The following GCNT1 variants were observed in gnomAD, a reference collection of about 807,000 sequenced individuals.
GCNT1 encodes glucosaminyl (N-acetyl) transferase 1.
In GCNT1, 16 loss-of-function variants were observed where a neutral mutation model predicts 26.2. The observed-to-expected ratio is 0.61, with a 90% CI of 0.41 to 0.93. GCNT1 has a LOEUF of 0.93. Among genes scored for constraint, GCNT1 ranks in the 40% least tolerant of loss-of-function variants. The probability of loss-of-function intolerance (pLI) is 0.00; values close to 1 mark genes in which losing one functional copy is unlikely to be tolerated. For missense variants in GCNT1, 477 were observed against 526.7 expected (o/e 0.91, Z 0.92); for synonymous variants, 183 against 190.8 (o/e 0.96, Z 0.34).
rs570111781 is a variant in GCNT1 at position 76,447,472 on chromosome 9, T to C, written c.-290+5157T>C. Reference sequence around the variant, plus strand: ...GTTGCCCAGGCTGGTCTTAAACTCCTGGGCTTAAGCGATCGGGCTGCCTCA... The same window carrying C: ...GTTGCCCAGGCTGGTCTTAAACTCCCGGGCTTAAGCGATCGGGCTGCCTCA... On this transcript the variant is annotated intron_variant, in intron 1 of 2. Coordinates refer to the GCNT1 transcript ENST00000442371. 3.1e-3 allele frequency among the ~76,000 whole-genome samples: 476 copies of C among 152,208 alleles called. 1 individual carries two copies. The highest frequency in any genetic ancestry group is 0.017 in the Middle Eastern group (5 of 294).
At chr9:76,458,304 T>A (rs1258124922), upstream of GCNT1, among the ~76,000 whole-genome samples, 1 of 144,826 alleles carries the variant, frequency 6.9e-6, no homozygotes, top group Non-Finnish European at 1.5e-5. Context: ...TGACTCAGCC[T>A]CCCGAGTAGC....
At chr9:76,432,089 A>G (rs1298308245) in intron 1 of GCNT1, among the ~76,000 whole-genome samples, 1 of 152,214 alleles carries the variant, frequency 6.6e-6, no homozygotes, top group Non-Finnish European at 1.5e-5. Context: ...AGCCTGGGCA[A>G]CAGAGCAAAA....
chr9:76,446,836 A>G (rs983457622), intron 1 of GCNT1, among the ~76,000 whole-genome samples: 9 of 152,190 alleles, frequency 5.9e-5, no homozygotes, highest in African/African-American at 2.4e-5. Flanking sequence ...GTTTACATAC[A>G]TTAGATGTTA....
intron 2 of GCNT1, among the ~76,000 whole-genome samples, chr9:76,473,418 T>C (rs2131606936): frequency 6.6e-6 from 1 of 152,300 alleles, no homozygotes; most frequent in Admixed American, 6.5e-5. Flanking sequence ...GAAATATGGA[T>C]TTTCATTTTT....
At chr9:76,487,889 C>T (rs184333674) in intron 2 of GCNT1, among the ~76,000 whole-genome samples, 275 of 152,242 alleles carry the variant, frequency 1.8e-3, no homozygotes, top group Admixed American at 3.8e-3. Flanking sequence ...TGCACACCAC[C>T]ACACGCAGAT....
intron 2 of GCNT1, among the ~76,000 whole-genome samples, chr9:76,490,349 A>G (rs1824698109): frequency 6.6e-6 from 1 of 152,114 alleles, no homozygotes; most frequent in South Asian, 2.1e-4. Flanking sequence ...ATTTCTTGCA[A>G]ACTGTATGAG....
Position 76,505,732 on chromosome 9 carries a change from T to G in GCNT1, c.*2064T>G, listed in dbSNP as rs1825219551. The G allele has an allele frequency of 6.0e-6, 1 of 166,996 alleles. No individual in the cohort carries two copies. Among genetic ancestry groups the G allele is most frequent in the East Asian group, 1.9e-4 (1 of 5,206 alleles). The allele number at this position is 166,996 out of a possible 1,614,324, so 10.3% of individuals were successfully genotyped here. A position where few individuals can be genotyped will look rare whatever the true frequency, so the allele number is the denominator to read the frequency against. The stretch of plus-strand genomic sequence containing the variant: ...TTTCTGAACTTGGCAAAATTGGAAA[T>G]TAAAATTTTTAAAAATTACAAATAT... On this transcript the variant is annotated 3_prime_UTR_variant, in exon 4 of 4. Coordinates refer to ENST00000376730, the MANE Select transcript of GCNT1 (RefSeq NM_001490.5).
At position 76,502,554 on chromosome 9, in the gene GCNT1, A is replaced by G. The variant is rs1825107490; in HGVS notation, c.173A>G (p.Asn58Ser). ...LAGENPSSDI[N>S]CTKVLQGDVN... is the part of the protein sequence containing the mutation. ...GGGGAGAATCCTAGTAGTGATATTA[A>G]TTGCACCAAAGTTTTACAGGGTGAT... Residue 58 changes from asparagine to serine, a missense_variant, in exon 4 of 4, where the codon AAT becomes AGT. Asn to Ser is a conservative substitution (Grantham distance 46). Transcript: ENST00000376730. The G allele has an allele frequency of 6.2e-7, 1 of 1,613,956 alleles. No homozygotes were observed.
the GCNT1 span, among the ~76,000 whole-genome samples, chr9:76,411,150 C>A: frequency 6.6e-6 from 1 of 152,068 alleles, no homozygotes; most frequent in East Asian, 1.9e-4. Flanking sequence ...CTCTGACAAT[C>A]TCTGTATTTT....
At chr9:76,407,608 G>A in the GCNT1 span, among the ~76,000 whole-genome samples, 1 of 152,142 alleles carries the variant, frequency 6.6e-6, no homozygotes, top group Non-Finnish European at 1.5e-5. Flanking sequence ...TGGGTCTTTT[G>A]TGTCTCCATA....
chr9:76,476,552 A>T (rs969633734), intron 2 of GCNT1, among the ~76,000 whole-genome samples: 5 of 79,872 alleles, frequency 6.3e-5, no homozygotes, highest in African/African-American at 2.6e-4. Context: ...TTGCTATTTA[A>T]AAAAAAAAAC....
At chr9:76,415,495 A>AT (rs1823125034), upstream of GCNT1, among the ~76,000 whole-genome samples, 1 of 152,058 alleles carries the variant, frequency 6.6e-6, no homozygotes, top group African/African-American at 2.4e-5. Flanking sequence ...AATTAAGATG[A>AT]TTTTTCTCTT....
chr9:76,457,167 T>C (rs1587421531), upstream of GCNT1, among the ~76,000 whole-genome samples: 1 of 152,346 alleles, frequency 6.6e-6, no homozygotes, highest in East Asian at 1.9e-4. Context: ...GCTCAAGTGA[T>C]ACTTGTACCT....
intron 2 of GCNT1, among the ~76,000 whole-genome samples, chr9:76,488,474 A>G (rs1587448063): frequency 6.6e-6 from 1 of 152,088 alleles, no homozygotes; most frequent in East Asian, 1.9e-4. Context: ...TTTATCTTCC[A>G]ACCCTTTTAT....
chr9:76,408,333 G>A, the GCNT1 span, among the ~76,000 whole-genome samples: 1 of 151,926 alleles, frequency 6.6e-6, no homozygotes, highest in Non-Finnish European at 1.5e-5. Context: ...AATGGGTATT[G>A]GTTTTATCAA....
intron 2 of GCNT1, among the ~76,000 whole-genome samples, chr9:76,495,144 G>A (rs755034223): frequency 1.3e-5 from 2 of 152,186 alleles, no homozygotes; most frequent in African/African-American, 4.8e-5. Context: ...CTCACTGCTT[G>A]GTGATGGTCC....
At chr9:76,466,596 C>G (rs1824001869) in intron 2 of GCNT1, among the ~76,000 whole-genome samples, 1 of 152,204 alleles carries the variant, frequency 6.6e-6, no homozygotes, top group South Asian at 2.1e-4. Context: ...GCCACTGTGT[C>G]TGGCCACTAC....
chr9:76,429,078 C>T (rs35837300), intron 1 of GCNT1, among the ~76,000 whole-genome samples: 45,092 of 151,994 alleles, frequency 0.3, 6,890 homozygotes, highest in East Asian at 0.38. Context: ...AGATAAACTG[C>T]ACATCACAGG....
At chr9:76,404,287 A>AT in the GCNT1 span, among the ~76,000 whole-genome samples, 2 of 152,028 alleles carry the variant, frequency 1.3e-5, no homozygotes, top group Admixed American at 1.3e-4. Flanking sequence ...TAATTTTAGA[A>AT]TTTTTTTTCT....
Sources: allele counts gnomAD v4.1 joint callset (sites outside exome capture counted in the v4.1 genomes callset), GRCh38; gene constraint gnomAD v4.1.1; transcripts MANE v1.5; gene names NCBI Gene and HGNC (gene_info 2026-07-23, HGNC 2026-07-21).